The following NKAIN3 variants were observed in gnomAD, a reference collection of about 807,000 sequenced individuals.
NKAIN3 encodes the protein sodium/potassium transporting ATPase interacting 3.
In NKAIN3, 25 loss-of-function variants were observed where a neutral mutation model predicts 30.2. The observed-to-expected ratio is 0.83, with a 90% CI of 0.60 to 1.16. The LOEUF is 1.16. NKAIN3 is among the 50% of genes most tolerant of loss of function. NKAIN3 has a pLI of 0.00. For synonymous variants in NKAIN3, 91 were observed against 89.6 expected (o/e 1.02, Z -0.09); for missense variants, 225 against 254.1 (o/e 0.89, Z 0.78).
chr8:62,317,244 A>C (rs918293740), intron 1 of NKAIN3, among the ~76,000 whole-genome samples: 1 of 152,166 alleles, frequency 6.6e-6, no homozygotes, highest in African/African-American at 2.4e-5. Context: ...CTCTTATAGT[A>C]GTTTCTTTTG....
chr8:62,406,898 G>C (rs1342820178), intron 1 of NKAIN3, among the ~76,000 whole-genome samples: 4 of 152,106 alleles, frequency 2.6e-5, no homozygotes, highest in African/African-American at 9.7e-5. Flanking sequence ...TATTCATTTA[G>C]AATAAGTTTC....
At chr8:62,548,498 C>T (rs1350173087) in intron 1 of NKAIN3, among the ~76,000 whole-genome samples, 57 of 152,114 alleles carry the variant, frequency 3.7e-4, no homozygotes, top group Admixed American at 3.7e-3. Context: ...CACTGACAGC[C>T]AGCTCTGATG....
At chr8:62,760,173 T>C (rs1219260373) in intron 4 of NKAIN3, among the ~76,000 whole-genome samples, 2 of 152,210 alleles carry the variant, frequency 1.3e-5, no homozygotes, top group African/African-American at 2.4e-5. Context: ...TTTACACTGT[T>C]GGTGAGACTG....
intron 1 of NKAIN3, among the ~76,000 whole-genome samples, chr8:62,413,014 C>T (rs998782762): frequency 1.3e-5 from 2 of 150,812 alleles, no homozygotes; most frequent in Non-Finnish European, 2.9e-5. Flanking sequence ...CTAAAGAAGA[C>T]ATACAAGTGG....
intron 4 of NKAIN3, among the ~76,000 whole-genome samples, chr8:62,874,222 G>C (rs1278907834): frequency 6.6e-6 from 1 of 152,044 alleles, no homozygotes; most frequent in East Asian, 1.9e-4. Flanking sequence ...AAATAAACTA[G>C]ACAATCTAGA....
chr8:62,906,327 T>C (rs1019131176), intron 4 of NKAIN3, among the ~76,000 whole-genome samples: 3 of 132,198 alleles, frequency 2.3e-5, no homozygotes, highest in African/African-American at 7.5e-5. Context: ...ATACGTTACA[T>C]ATAGAAGCTT....
At chr8:62,599,913 C>T (rs1356358574) in intron 3 of NKAIN3, among the ~76,000 whole-genome samples, 2 of 151,932 alleles carry the variant, frequency 1.3e-5, no homozygotes, top group Non-Finnish European at 2.9e-5. Context: ...TAAGTTATTG[C>T]TGCTTGTTTG....
At chr8:62,670,123 G>A (rs1250084906) in intron 3 of NKAIN3, among the ~76,000 whole-genome samples, 1 of 152,094 alleles carries the variant, frequency 6.6e-6, no homozygotes, top group African/African-American at 2.4e-5. Context: ...TTGACGAGAA[G>A]AGACATAGAG....
At chr8:62,296,481 A>G (rs1404495301) in intron 1 of NKAIN3, among the ~76,000 whole-genome samples, 1 of 152,152 alleles carries the variant, frequency 6.6e-6, no homozygotes, top group African/African-American at 2.4e-5. Context: ...ATGTTTGAAA[A>G]TCTTTGAACA....
chr8:62,639,434 T>A (rs1395463545), intron 3 of NKAIN3, among the ~76,000 whole-genome samples: 1 of 152,062 alleles, frequency 6.6e-6, no homozygotes, highest in Non-Finnish European at 1.5e-5. Flanking sequence ...AAGGAATCCC[T>A]CTCAACAAAG....
chr8:62,805,615 C>T (rs1396765610), intron 4 of NKAIN3, among the ~76,000 whole-genome samples: 1 of 152,152 alleles, frequency 6.6e-6, no homozygotes, highest in Non-Finnish European at 1.5e-5. Flanking sequence ...AAAGCTGAAA[C>T]TGGATCCCTT....
At chr8:62,259,808 C>A (rs1010818555) in intron 1 of NKAIN3, among the ~76,000 whole-genome samples, 11 of 152,112 alleles carry the variant, frequency 7.2e-5, no homozygotes, top group African/African-American at 2.7e-4. Flanking sequence ...TTCTGTTTGA[C>A]ACTGGTAAGA....
chr8:62,631,666 C>G (rs999577821), intron 3 of NKAIN3, among the ~76,000 whole-genome samples: 8 of 152,124 alleles, frequency 5.3e-5, no homozygotes, highest in Non-Finnish European at 1.2e-4. Flanking sequence ...ATGTTAGCTT[C>G]CAGAGACTTC....
intron 3 of NKAIN3, among the ~76,000 whole-genome samples, chr8:62,667,457 C>T (rs921564931): frequency 4.0e-5 from 6 of 150,206 alleles, no homozygotes; most frequent in Non-Finnish European, 7.4e-5. Flanking sequence ...CAGATGTGAT[C>T]GCCACACTTT....
chr8:62,757,410 A>G (rs1488760721), intron 4 of NKAIN3, among the ~76,000 whole-genome samples: 2 of 152,172 alleles, frequency 1.3e-5, no homozygotes, highest in East Asian at 3.8e-4. Context: ...TCATTCAGCG[A>G]AACATATTCA....
At chr8:62,531,884 T>C (rs1019636610) in intron 1 of NKAIN3, among the ~76,000 whole-genome samples, 3 of 152,098 alleles carry the variant, frequency 2.0e-5, no homozygotes, top group Admixed American at 6.5e-5. Context: ...TCCTAGGGAG[T>C]AGGAAATCTA....
chr8:62,624,498 T>G (rs899864166), intron 3 of NKAIN3, among the ~76,000 whole-genome samples: 2 of 149,068 alleles, frequency 1.3e-5, no homozygotes, highest in African/African-American at 5.0e-5. Flanking sequence ...GAGCTTTCAT[T>G]TCCTCTGGCT....
At chr8:62,371,201 A>G (rs1420655487) in intron 1 of NKAIN3, among the ~76,000 whole-genome samples, 1 of 151,856 alleles carries the variant, frequency 6.6e-6, no homozygotes, top group East Asian at 1.9e-4. Flanking sequence ...TTTTAAAGGC[A>G]GCCTGTTTTC....
chr8:62,471,423 G>T (rs764103740), intron 1 of NKAIN3, among the ~76,000 whole-genome samples: 1 of 151,898 alleles, frequency 6.6e-6, no homozygotes, highest in Non-Finnish European at 1.5e-5. Flanking sequence ...GAAATGTTTT[G>T]TAAGTTCTGT....
Sources: allele counts gnomAD v4.1 joint callset (sites outside exome capture counted in the v4.1 genomes callset), GRCh38; gene constraint gnomAD v4.1.1; transcripts MANE v1.5; gene names NCBI Gene and HGNC (gene_info 2026-07-23, HGNC 2026-07-21).